PRDM16: variants seen among roughly 807,000 people sequenced by gnomAD.
PRDM16 encodes PR/SET domain 16.
A neutral mutation model predicts 110.6 loss-of-function variants in PRDM16; 23 were observed. That is an observed-to-expected ratio of 0.21 (90% CI 0.15 to 0.29). PRDM16 has a LOEUF of 0.29. PRDM16 is among the 10% of genes least tolerant of loss of function. The probability of loss-of-function intolerance (pLI) is 1.00; values close to 1 mark genes in which losing one functional copy is unlikely to be tolerated. For synonymous variants in PRDM16, 799 were observed against 781.8 expected (o/e 1.02, Z -0.37); for missense variants, 1,615 against 1,794.3 (o/e 0.90, Z 1.81).
At chr1:3,414,300 G>T (rs1380993372) in intron 9 of PRDM16, among the ~76,000 whole-genome samples, 1 of 152,194 alleles carries the variant, frequency 6.6e-6, no homozygotes, top group African/African-American at 2.4e-5. Flanking sequence ...GGAGGTGTGA[G>T]GGAACCACTG....
chr1:3,282,095 C>G (rs1479728549), intron 3 of PRDM16, among the ~76,000 whole-genome samples: 2 of 152,238 alleles, frequency 1.3e-5, no homozygotes, highest in Non-Finnish European at 2.9e-5. Flanking sequence ...CGCCAGCTCT[C>G]TCCTTACCAC....
intron 1 of PRDM16, among the ~76,000 whole-genome samples, chr1:3,127,472 A>G (rs908182695): frequency 1.3e-5 from 2 of 152,182 alleles, no homozygotes; most frequent in Non-Finnish European, 2.9e-5. Context: ...GTGTGTCTGG[A>G]GAGAAAGCAA....
Position 3,410,005 on chromosome 1 carries a change from CAT to C in PRDM16, c.1187-1378_1187-1377del, listed in dbSNP as rs1491292180. On this transcript the variant is annotated intron_variant, in intron 8 of 16. Coordinates refer to ENST00000270722, the MANE Select transcript of PRDM16 (RefSeq NM_022114.4). ...TGCATGGGGGGGTGTGGGGGGTGTGCATGTGTGTGTGCTGTGTGTGCATGTGT... is the reference window on the plus strand; with the variant it reads ...TGCATGGGGGGGTGTGGGGGGTGTGCGTGTGTGTGCTGTGTGTGCATGTGT... Among the ~76,000 whole-genome samples, 55 of 103,170 alleles carry C rather than the reference CAT, an allele frequency of 5.3e-4. 1 individual carries two copies. In the Middle Eastern group the frequency reaches 0.024, roughly 45 times the overall value. 67.7% of individuals were successfully genotyped at this position (103,170 alleles called of 152,430 possible).
At chr1:3,304,037 C>T (rs895244082) in intron 3 of PRDM16, among the ~76,000 whole-genome samples, 1 of 148,218 alleles carries the variant, frequency 6.7e-6, no homozygotes, top group Admixed American at 6.7e-5. Flanking sequence ...CCCAGCCAAG[C>T]CCTGGTGTGC....
Position 3,246,778 on chromosome 1 carries a change from G to A in PRDM16, c.438+2641G>A, listed in dbSNP as rs1330042132. Among the ~76,000 whole-genome samples the A allele has an allele frequency of 1.1e-4, 16 of 152,258 alleles. No individual in the cohort carries two copies. The East Asian group carries it at 1.2e-3, about 11-fold the overall frequency. On this transcript the variant is annotated intron_variant, in intron 3 of 16. Coordinates refer to ENST00000270722, the MANE Select transcript of PRDM16 (RefSeq NM_022114.4). This position sits in a 1 kb window ranked among gnomAD's most constrained non-coding sequence, Gnocchi z 5.2. ...TAACCCCAGGGCTCAGACTGGACCC[G>A]TTCAGTTACATTTCTAGGCACTCTC...
At chr1:3,324,015 G>A (rs1641827613) in intron 3 of PRDM16, among the ~76,000 whole-genome samples, 2 of 152,198 alleles carry the variant, frequency 1.3e-5, no homozygotes, top group East Asian at 1.9e-4. Flanking sequence ...TTGCAGGGGT[G>A]GGGGCTGCCA....
At chr1:3,106,282 G>A (rs1350190990) in intron 1 of PRDM16, among the ~76,000 whole-genome samples, 2 of 152,224 alleles carry the variant, frequency 1.3e-5, no homozygotes, top group African/African-American at 4.8e-5. Flanking sequence ...TGTCCAACCT[G>A]GAAGCTGAAG....
chr1:3,105,076 G>A (rs1020216107), intron 1 of PRDM16, among the ~76,000 whole-genome samples: 1 of 152,088 alleles, frequency 6.6e-6, no homozygotes, highest in Non-Finnish European at 1.5e-5. Flanking sequence ...GGAAGGTGCT[G>A]GAAGAAGCTG....
chr1:3,151,113 C>T (rs560601073), intron 1 of PRDM16, among the ~76,000 whole-genome samples: 7 of 152,336 alleles, frequency 4.6e-5, no homozygotes, highest in African/African-American at 1.4e-4. Context: ...CCTGAGATAT[C>T]TCTGTGCCTC....
chr1:3,219,029 G>A (rs2651905), intron 2 of PRDM16, among the ~76,000 whole-genome samples: 5,846 of 152,252 alleles, frequency 0.038, 227 homozygotes, highest in East Asian at 0.12. Context: ...CGGGCTGAGC[G>A]GAGAGCTGCA....
intron 3 of PRDM16, among the ~76,000 whole-genome samples, chr1:3,275,520 C>T (rs772109652): frequency 6.6e-5 from 10 of 152,058 alleles, no homozygotes; most frequent in South Asian, 2.1e-4. Flanking sequence ...GTCAGGCACT[C>T]GGCATGCCCC....
chr1:3,394,124 G>T (rs1315317701), intron 4 of PRDM16, among the ~76,000 whole-genome samples: 1 of 152,122 alleles, frequency 6.6e-6, no homozygotes, highest in Non-Finnish European at 1.5e-5. Context: ...GGGGGAAGAG[G>T]TGGGGGAAGG....
chr1:3,222,734 C>T (rs926111146), intron 2 of PRDM16, among the ~76,000 whole-genome samples: 3 of 152,220 alleles, frequency 2.0e-5, no homozygotes, highest in Admixed American at 6.5e-5. Context: ...TGCAGTGGGG[C>T]GAGGACCAGC....
At position 3,148,833 on chromosome 1, in the gene PRDM16, A is replaced by C. The variant is rs187619721; in HGVS notation, c.38-37292A>C. ...TTGAAAGTCCTTCTAGAAAGCCAGG[A>C]TGTTTGTTAATTTATTTTTAAGATT... On this transcript the variant is annotated intron_variant, in intron 1 of 16. Coordinates refer to ENST00000270722, the MANE Select transcript of PRDM16 (RefSeq NM_022114.4). The surrounding 1 kb of genome is among the most constrained non-coding windows in gnomAD (Gnocchi z 5.0). Among the ~76,000 whole-genome samples, 2 of 152,294 alleles carry C rather than the reference A, an allele frequency of 1.3e-5. No homozygotes were observed. Among genetic ancestry groups the C allele is most frequent in the Admixed American group, 6.5e-5 (1 of 15,288 alleles).
intron 2 of PRDM16, among the ~76,000 whole-genome samples, chr1:3,194,235 T>A (rs1287644018): frequency 2.0e-5 from 3 of 152,162 alleles, no homozygotes; most frequent in Non-Finnish European, 4.4e-5. Flanking sequence ...GGGCATTTAG[T>A]CACTCAGCAG....
intron 1 of PRDM16, among the ~76,000 whole-genome samples, chr1:3,181,548 A>G (rs1644188642): frequency 5.3e-4 from 1 of 1,874 alleles, no homozygotes; most frequent in Non-Finnish European, 1.3e-3. Flanking sequence ...ACGGTCTTAC[A>G]CACGCAGTCT....
intron 1 of PRDM16, among the ~76,000 whole-genome samples, chr1:3,130,640 A>G (rs1334632923): frequency 1.3e-5 from 2 of 152,054 alleles, no homozygotes; most frequent in African/African-American, 4.8e-5. Flanking sequence ...CGCTTTCTGT[A>G]ACTCGCCGCC....
intron 3 of PRDM16, among the ~76,000 whole-genome samples, chr1:3,270,167 T>C (rs961662609): frequency 7.6e-5 from 9 of 117,898 alleles, no homozygotes; most frequent in African/African-American, 2.7e-4. Flanking sequence ...GTCGGGAGAA[T>C]AGTCCTGGAG....
chr1:3,394,360 A>G, intron 4 of PRDM16: 1 of 268,228 alleles, frequency 3.7e-6, no homozygotes, highest in Non-Finnish European at 7.1e-6. Context: ...AGGATCCAGG[A>G]GGGCCGCCCA....
Sources: gnomAD v4.1 joint callset for allele counts (sites outside exome capture counted in the v4.1 genomes callset) on GRCh38, gnomAD v4.1.1 for gene constraint, Gnocchi (gnomAD v3.1) non-coding constraint, MANE v1.5 for transcripts, NCBI Gene and HGNC (gene_info 2026-07-23, HGNC 2026-07-21) for gene names.